Variants in BBS9 observed in about 807,000 individuals in gnomAD.
BBS9 encodes the protein protein PTHB1.
BBS9 carries 89 observed loss-of-function variants against 117.7 expected under a neutral mutation model. The observed-to-expected ratio is 0.76, with a 90% CI of 0.64 to 0.90. BBS9 has a LOEUF of 0.90. Ranked by LOEUF, BBS9 falls within the 40% of genes least tolerant of loss-of-function variation. The pLI is 0.00. For missense variants in BBS9, 982 were observed against 1,042.2 expected, an observed-to-expected ratio of 0.94 and a Z score of 0.80; for synonymous variants, 379 against 370.9, an observed-to-expected ratio of 1.02 and a Z score of -0.25.
intron 7 of BBS9, 63 bp from the exon 8 acceptor site, chr7:33,272,949 T>TA (rs1160156835): frequency 1.3e-6 from 2 of 1,489,468 alleles, no homozygotes; most frequent in Non-Finnish European, 1.9e-6. Context: ...TTTATATTGA[T>TA]ATGAAAATAA....
At chr7:33,503,241 G>A (rs981255387) in intron 19 of BBS9, among the ~76,000 whole-genome samples, 3 of 152,136 alleles carry the variant, frequency 2.0e-5, no homozygotes, top group African/African-American at 7.2e-5. Flanking sequence ...AACAAGTTCA[G>A]GCCCGTCAAA....
chr7:33,309,140 CT>C (rs1301305758), intron 9 of BBS9, among the ~76,000 whole-genome samples: 1 of 152,146 alleles, frequency 6.6e-6, no homozygotes, highest in Non-Finnish European at 1.5e-5. Context: ...ATTAGAATCA[CT>C]GGAGTAGGGG....
intron 19 of BBS9, among the ~76,000 whole-genome samples, chr7:33,421,135 T>G (rs62451189): frequency 2.3e-4 from 35 of 152,338 alleles, no homozygotes; most frequent in Admixed American, 3.9e-4. Context: ...CATTTGGCTA[T>G]TTAAACTGTA....
intron 1 of BBS9, among the ~76,000 whole-genome samples, chr7:33,140,326 A>G (rs773300875): frequency 6.6e-5 from 10 of 152,052 alleles, no homozygotes; most frequent in Non-Finnish European, 1.3e-4. Context: ...ACCCAGCCGG[A>G]TTCCTCCTCT....
intron 5 of BBS9, among the ~76,000 whole-genome samples, chr7:33,216,214 G>A (rs565918459): frequency 2.0e-5 from 3 of 152,302 alleles, no homozygotes; most frequent in Admixed American, 6.5e-5. Flanking sequence ...CTAGTGTAAT[G>A]ACATTTCTAC....
At chr7:33,625,315 C>T (rs973801959) in intron 21 of BBS9, among the ~76,000 whole-genome samples, 2 of 151,984 alleles carry the variant, frequency 1.3e-5, no homozygotes, top group Non-Finnish European at 2.9e-5. Context: ...TTATTGTGTT[C>T]CTACTATGTT....
intron 5 of BBS9, among the ~76,000 whole-genome samples, chr7:33,181,811 T>C (rs932995005): frequency 6.6e-6 from 1 of 152,166 alleles, no homozygotes; most frequent in Non-Finnish European, 1.5e-5. Context: ...TGGCCGGGCG[T>C]GGTGGCTCAC....
intron 9 of BBS9, among the ~76,000 whole-genome samples, chr7:33,318,949 G>C (rs906024113): frequency 2.6e-5 from 4 of 152,110 alleles, no homozygotes; most frequent in Non-Finnish European, 5.9e-5. Context: ...CGGATCACGA[G>C]GTCAGGAGTT....
intron 5 of BBS9, among the ~76,000 whole-genome samples, chr7:33,252,589 G>T (rs1482996877): frequency 6.6e-6 from 1 of 152,030 alleles, no homozygotes; most frequent in Non-Finnish European, 1.5e-5. Flanking sequence ...GCCACATTTT[G>T]AAGACCACTT....
intron 9 of BBS9, among the ~76,000 whole-genome samples, chr7:33,284,204 G>T (rs1802450642): frequency 6.6e-6 from 1 of 152,084 alleles, no homozygotes; most frequent in Non-Finnish European, 1.5e-5. Context: ...TCATACTGTG[G>T]TCCAGAATTT....
intron 11 of BBS9, among the ~76,000 whole-genome samples, chr7:33,344,344 C>T (rs1262812639): frequency 6.6e-6 from 1 of 152,046 alleles, no homozygotes; most frequent in Non-Finnish European, 1.5e-5. Context: ...GCTGGGATTA[C>T]AGGCGTGAGC....
intron 7 of BBS9, among the ~76,000 whole-genome samples, chr7:33,269,554 A>C (rs568066739): frequency 6.6e-6 from 1 of 152,132 alleles, no homozygotes; most frequent in Non-Finnish European, 1.5e-5. Context: ...AGATCTCCCC[A>C]GAGAGGCAGA....
At chr7:33,432,786 CT>C (rs71907844) in intron 19 of BBS9, among the ~76,000 whole-genome samples, 16,132 of 147,026 alleles carry the variant, frequency 0.11, 996 homozygotes, top group East Asian at 0.33. Flanking sequence ...CATGCTTTTC[CT>C]TTTTTTTTTC....
intron 9 of BBS9, among the ~76,000 whole-genome samples, chr7:33,324,447 C>T (rs1489422251): frequency 6.6e-6 from 1 of 152,064 alleles, no homozygotes; most frequent in Non-Finnish European, 1.5e-5. Flanking sequence ...TGTTGTAGCT[C>T]TTATTTTTGA....
At chr7:33,624,838 A>G (rs1865566276) in intron 21 of BBS9, among the ~76,000 whole-genome samples, 1 of 151,876 alleles carries the variant, frequency 6.6e-6, no homozygotes. Flanking sequence ...GGTCATCCTG[A>G]TTATAGAGGA....
At chr7:33,470,469 AC>A (rs1344147518) in intron 19 of BBS9, among the ~76,000 whole-genome samples, 2 of 151,838 alleles carry the variant, frequency 1.3e-5, no homozygotes, top group African/African-American at 4.8e-5. Context: ...CTACCCCTTC[AC>A]TTTTTTACCA....
At chr7:33,368,899 T>C (rs1050667289) in intron 17 of BBS9, among the ~76,000 whole-genome samples, 2 of 152,126 alleles carry the variant, frequency 1.3e-5, no homozygotes, top group African/African-American at 4.8e-5. Flanking sequence ...ACTCAGATAC[T>C]ATTGAAGACT....
chr7:33,422,163 C>T (rs1479004504), intron 19 of BBS9, among the ~76,000 whole-genome samples: 1 of 152,044 alleles, frequency 6.6e-6, no homozygotes, highest in Non-Finnish European at 1.5e-5. Context: ...GCTGCTATAG[C>T]TTTTCGTAAA....
chr7:33,400,986 T>C (rs1301660106), intron 19 of BBS9, among the ~76,000 whole-genome samples: 3 of 152,220 alleles, frequency 2.0e-5, no homozygotes, highest in African/African-American at 7.2e-5. Flanking sequence ...GTAAGATCAA[T>C]ACCTATCCAA....
Sources: allele counts gnomAD v4.1 joint callset (sites outside exome capture counted in the v4.1 genomes callset), GRCh38; gene constraint gnomAD v4.1.1; transcripts MANE v1.5; gene names NCBI Gene and HGNC (gene_info 2026-07-23, HGNC 2026-07-21).